Variants in TPRG1 observed in about 807,000 individuals in gnomAD.
TPRG1 encodes the protein tumor protein p63-regulated gene 1 protein.
Under a neutral mutation model 29.3 loss-of-function variants are expected in TPRG1, and 29 were observed. The ratio of observed to expected loss-of-function variants is 0.99; its 90% CI spans 0.74 to 1.35. The LOEUF (loss-of-function observed/expected upper bound fraction) is 1.35. Among genes scored for constraint, TPRG1 ranks in the 40% most tolerant of loss-of-function variants. TPRG1 has a pLI of 0.00. For missense variants in TPRG1, 327 were observed against 335.0 expected, an observed-to-expected ratio of 0.98 and a Z score of 0.19; for synonymous variants, 130 against 116.8, an observed-to-expected ratio of 1.11 and a Z score of -0.73.
intron 1 of TPRG1, chr3:189,121,645 T>C (rs1341676764): frequency 6.6e-6 from 1 of 152,202 alleles, no homozygotes; most frequent in Non-Finnish European, 1.5e-5. Flanking sequence ...TCCTGACAAA[T>C]GTACTCTTCC....
intron 4 of TPRG1, 168 bp downstream of exon 4, chr3:189,239,077 C>G (rs1347665962): frequency 3.8e-6 from 2 of 530,888 alleles, no homozygotes; most frequent in Non-Finnish European, 6.5e-6. Flanking sequence ...ATGTCAGCCT[C>G]CAGGGATACA....
intron 4 of TPRG1, among the ~76,000 whole-genome samples, chr3:189,050,438 T>C (rs559880052): frequency 6.6e-6 from 1 of 152,256 alleles, no homozygotes; most frequent in Non-Finnish European, 1.5e-5. Context: ...TTTGAAATGG[T>C]AATTTAAAAA....
At chr3:189,012,673 C>A (rs559349443) in intron 3 of TPRG1, among the ~76,000 whole-genome samples, 1 of 152,204 alleles carries the variant, frequency 6.6e-6, no homozygotes, top group South Asian at 2.1e-4. Flanking sequence ...AATTTCAGAA[C>A]TCATTATTGG....
chr3:189,143,246 C>T (rs1040729973), intron 3 of TPRG1, among the ~76,000 whole-genome samples: 1 of 152,090 alleles, frequency 6.6e-6, no homozygotes, highest in South Asian at 2.1e-4. Flanking sequence ...AAGTAGGAGC[C>T]GCTGGTAATA....
At chr3:189,109,491 A>C (rs1469329091) in intron 1 of TPRG1, among the ~76,000 whole-genome samples, 1 of 152,188 alleles carries the variant, frequency 6.6e-6, no homozygotes, top group African/African-American at 2.4e-5. Context: ...TAATGGCATA[A>C]ATTTTGGAGA....
chr3:189,253,703 T>G (rs1257101221), intron 4 of TPRG1, among the ~76,000 whole-genome samples: 1 of 152,184 alleles, frequency 6.6e-6, no homozygotes, highest in Non-Finnish European at 1.5e-5. Flanking sequence ...TTGAACTAAT[T>G]TACACTCTCA....
intron 4 of TPRG1, 111 bp downstream of exon 4, chr3:189,239,020 T>C: frequency 3.4e-6 from 3 of 889,736 alleles, no homozygotes; most frequent in Middle Eastern, 3.6e-4. Context: ...CAAGGGAGGA[T>C]AGTGAAATCA....
At chr3:189,249,564 C>T (rs912577500) in intron 4 of TPRG1, among the ~76,000 whole-genome samples, 3 of 151,764 alleles carry the variant, frequency 2.0e-5, no homozygotes, top group Non-Finnish European at 4.4e-5. Context: ...ATTAGTATGA[C>T]AGTTATGGCC....
Position 189,324,450 on chromosome 3 carries a change from T to C in TPRG1, c.*3630T>C, listed in dbSNP as rs1724558247. Reference sequence around the variant, plus strand: ...TGATGTATCGTAGTTGTTGAGATAATTTTGAAATGAGAAAACAATAGGGCA... The same window carrying C: ...TGATGTATCGTAGTTGTTGAGATAACTTTGAAATGAGAAAACAATAGGGCA... On this transcript the variant is annotated 3_prime_UTR_variant, in exon 6 of 6. Coordinates refer to ENST00000345063, the MANE Select transcript of TPRG1 (RefSeq NM_198485.4). 6.6e-6 allele frequency: 1 copy of C among 152,162 alleles called. No individual in the cohort carries two copies. Among genetic ancestry groups the C allele is most frequent in the South Asian group, 2.1e-4 (1 of 4,836 alleles). 9.4% of individuals were successfully genotyped at this position (152,162 alleles called of 1,614,324 possible). A position where few individuals can be genotyped will look rare whatever the true frequency, so the allele number is the denominator to read the frequency against.
At chr3:189,217,848 C>T (rs922563204) in intron 3 of TPRG1, 2 of 985,182 alleles carry the variant, frequency 2.0e-6, no homozygotes, top group African/African-American at 3.5e-5. Flanking sequence ...ATATTTAAGC[C>T]TTTTTGTTTG....
chr3:189,151,967 C>G (rs759367571), intron 5 of TPRG1, among the ~76,000 whole-genome samples: 4 of 152,138 alleles, frequency 2.6e-5, no homozygotes, highest in Non-Finnish European at 4.4e-5. Flanking sequence ...AAATAGTCCT[C>G]TCTGTCTTTA....
In TPRG1 at chr3:189,070,226, G is replaced by GAGGACAAA. The variant is rs575966375; in HGVS notation, c.-463+46281_-463+46288dup. On this transcript the variant is annotated intron_variant, in intron 4 of 10. Coordinates refer to the TPRG1 transcript ENST00000433971. ...ATGAAATGACAAAATGTTAGAAATG[G>GAGGACAAA]AGGACAAATAAGTGGTTGCCAGGGA... 6.2e-3 allele frequency among the ~76,000 whole-genome samples: 950 copies of GAGGACAAA among 152,250 alleles called. 4 individuals are homozygous for GAGGACAAA. The highest frequency in any genetic ancestry group is 0.014 in the Middle Eastern group (4 of 294).
intron 1 of TPRG1, among the ~76,000 whole-genome samples, chr3:189,191,588 G>A (rs1731700650): frequency 6.6e-6 from 1 of 152,120 alleles, no homozygotes; most frequent in African/African-American, 2.4e-5. Flanking sequence ...TTATTTGGAT[G>A]CCTTCTTGCA....
chr3:189,251,833 G>A (rs190483059), intron 4 of TPRG1, among the ~76,000 whole-genome samples: 4 of 152,030 alleles, frequency 2.6e-5, no homozygotes, highest in African/African-American at 4.8e-5. Flanking sequence ...GCCCAGGGAC[G>A]GGCAGGAGAC....
At chr3:189,138,779 A>T (rs1043449288) in intron 3 of TPRG1, among the ~76,000 whole-genome samples, 8 of 152,178 alleles carry the variant, frequency 5.3e-5, no homozygotes, top group African/African-American at 1.9e-4. Context: ...GTGTCTGGAG[A>T]ACAGGAGGAT....
intron 4 of TPRG1, among the ~76,000 whole-genome samples, chr3:189,267,203 G>C (rs758233756): frequency 6.6e-6 from 1 of 152,116 alleles, no homozygotes. Context: ...CATGTTTATA[G>C]CATAGGAGCA....
chr3:189,255,937 T>C (rs1204971461), intron 4 of TPRG1, among the ~76,000 whole-genome samples: 1 of 152,114 alleles, frequency 6.6e-6, no homozygotes, highest in Non-Finnish European at 1.5e-5. Flanking sequence ...GTCTATCTAT[T>C]ATGTTAATCT....
Position 189,320,856 on chromosome 3 carries a change from A to C in TPRG1, c.*36A>C. On this transcript the variant is annotated 3_prime_UTR_variant, in exon 6 of 6. Coordinates refer to ENST00000345063, the MANE Select transcript of TPRG1 (RefSeq NM_198485.4). Reference sequence around the variant, plus strand: ...GGTACCATAAGCATATCATCCACAGATATGTCACTTTGAAAATTCCAGTTT... The same window carrying C: ...GGTACCATAAGCATATCATCCACAGCTATGTCACTTTGAAAATTCCAGTTT... The C allele has an allele frequency of 6.8e-7, 1 of 1,469,034 alleles. No homozygotes were observed. Among genetic ancestry groups the C allele is most frequent in the Non-Finnish European group, 9.1e-7 (1 of 1,102,334 alleles). 91.0% of individuals were successfully genotyped at this position (1,469,034 alleles called of 1,614,324 possible).
chr3:189,302,344 C>T (rs963083027), intron 4 of TPRG1, among the ~76,000 whole-genome samples: 3 of 152,290 alleles, frequency 2.0e-5, no homozygotes, highest in Non-Finnish European at 4.4e-5. Flanking sequence ...ATCCTCATCA[C>T]AATTGTATCC....
Sources: gnomAD v4.1 joint callset for allele counts (sites outside exome capture counted in the v4.1 genomes callset) on GRCh38, gnomAD v4.1.1 for gene constraint, MANE v1.5 for transcripts, NCBI Gene and HGNC (gene_info 2026-07-23, HGNC 2026-07-21) for gene names.